Variants in ENTPD5 observed in about 807,000 individuals in gnomAD.
ENTPD5 encodes nucleoside diphosphate phosphatase ENTPD5.
A neutral mutation model predicts 60.2 loss-of-function variants in ENTPD5; 49 were observed. The observed-to-expected ratio is 0.81, with a 90% CI of 0.65 to 1.03. ENTPD5 has a LOEUF of 1.03. Among genes scored for constraint, ENTPD5 ranks in the 50% least tolerant of loss-of-function variants. The probability of loss-of-function intolerance (pLI) is 0.00; values close to 1 mark genes in which losing one functional copy is unlikely to be tolerated. For missense variants in ENTPD5, 480 were observed against 507.6 expected, an observed-to-expected ratio of 0.95 and a Z score of 0.52; for synonymous variants, 187 against 185.4, an observed-to-expected ratio of 1.01 and a Z score of -0.07.
intron 3 of ENTPD5, among the ~76,000 whole-genome samples, chr14:73,994,906 T>C (rs991334120): frequency 1.3e-5 from 2 of 152,094 alleles, no homozygotes; most frequent in Middle Eastern, 3.4e-3. Flanking sequence ...ACATCATGTT[T>C]TCCTATCTTC....
chr14:73,988,001 G>A lies in ENTPD5; in HGVS notation c.102C>T (p.Phe34=). The A allele has an allele frequency of 1.9e-6, 3 of 1,614,156 alleles. No individual in the cohort carries two copies. Among genetic ancestry groups the A allele is most frequent in the Non-Finnish European group, 2.5e-6 (3 of 1,180,032 alleles). ...RNQQTWFEGI[F]LSSMCPINVS... ...CATTGATGGGGCACATGGAAGACAGGAAGATACCCTCAAACCAAGTCTGCT... is the reference window on the plus strand; with the variant it reads ...CATTGATGGGGCACATGGAAGACAGAAAGATACCCTCAAACCAAGTCTGCT... The change falls in exon 4 of 16, where the codon TTC becomes TTT. Residue 34 remains phenylalanine, a synonymous_variant. Transcript: ENST00000334696.
chr14:74,007,304 G>A (rs141103812), intron 3 of ENTPD5, among the ~76,000 whole-genome samples: 5 of 152,224 alleles, frequency 3.3e-5, no homozygotes, highest in African/African-American at 9.6e-5. Flanking sequence ...GGCGGATCAC[G>A]AGGTCAGGAA....
chr14:73,982,613 G>A (rs898806211), intron 6 of ENTPD5, among the ~76,000 whole-genome samples: 3 of 151,946 alleles, frequency 2.0e-5, no homozygotes, highest in Admixed American at 1.3e-4. Context: ...AAAATTAGTC[G>A]GGTGTGGTGG....
chr14:74,019,267 T>C lies in ENTPD5; in HGVS notation c.-255A>G. 3.0e-6 allele frequency: 1 copy of C among 331,256 alleles called. No homozygotes were observed. Among genetic ancestry groups the C allele is most frequent in the Non-Finnish European group, 4.4e-6 (1 of 229,186 alleles). 20.5% of individuals were successfully genotyped at this position (331,256 alleles called of 1,614,324 possible). On this transcript the variant is annotated 5_prime_UTR_variant, in exon 1 of 16. Transcript: ENST00000334696. Reference sequence around the variant, plus strand: ...ACACTCACCGCGCGCGCGCCACCCTTGCGCGGCAGCCCGCCGCCCTCGGCG... The same window carrying C: ...ACACTCACCGCGCGCGCGCCACCCTCGCGCGGCAGCCCGCCGCCCTCGGCG...
In ENTPD5 at chr14:73,966,937, G is replaced by A. The variant is rs763081495; in HGVS notation, c.1278C>T (p.Ile426=). Residue 426 remains isoleucine, a synonymous_variant, in exon 16 of 16, where the codon ATC becomes ATT. Transcript: ENST00000334696. ...AAGGAAGTACGTGGCCTCAATGGGA[G>A]ATGCCCAGAGACTGCAACAGGTGAA... ...ATFHLLQSLG[I]SH 8 of 1,613,948 alleles carry A rather than the reference G, an allele frequency of 5.0e-6. No individual in the cohort carries two copies. The South Asian group carries it at 7.7e-5, about 16-fold the overall frequency.
chr14:73,986,811 C>T lies in ENTPD5; in HGVS notation c.297+3G>A. Reference sequence around the variant, plus strand: ...TCTAAACATCAAATCATAAGAAACTCACCTGCTTAGGTTGATCTACAAAAG... The same window carrying T: ...TCTAAACATCAAATCATAAGAAACTTACCTGCTTAGGTTGATCTACAAAAG... On this transcript the variant is annotated splice_donor_region_variant and intron_variant, in intron 5 of 15. Transcript: ENST00000334696. 4 of 1,610,580 alleles carry T rather than the reference C, an allele frequency of 2.5e-6. No homozygotes were observed. The highest frequency in any genetic ancestry group is 3.4e-6 in the Non-Finnish European group (4 of 1,177,030).
chr14:74,006,583 C>T (rs1352676543), intron 3 of ENTPD5, among the ~76,000 whole-genome samples: 1 of 140,868 alleles, frequency 7.1e-6, no homozygotes, highest in Non-Finnish European at 1.6e-5. Flanking sequence ...ACACCCGGCC[C>T]TTTTTTTTTT....
rs796472810 is a variant in ENTPD5, at chr14:73,977,140, T to C, written c.518-81A>G. On this transcript the variant is annotated intron_variant, in intron 7 of 15. Coordinates refer to ENST00000334696, the MANE Select transcript of ENTPD5 (RefSeq NM_001249.5). ...CCCCAACCTTGTTTTTTTTTTTTCCTCTCTAAATTCCATGTCTAGAGCACA... is the reference window on the plus strand; with the variant it reads ...CCCCAACCTTGTTTTTTTTTTTTCCCCTCTAAATTCCATGTCTAGAGCACA... The C allele has an allele frequency of 1.5e-5, 20 of 1,312,898 alleles. No homozygotes were observed. The African/African-American group carries it at 2.5e-4, about 17-fold the overall frequency. The allele number at this position is 1,312,898 out of a possible 1,614,324, so 81.3% of individuals were successfully genotyped here. A position where few individuals can be genotyped will look rare whatever the true frequency, so the allele number is the denominator to read the frequency against.
chr14:73,974,907 C>A lies in ENTPD5; in HGVS notation c.784+17G>T. 1.2e-6 allele frequency: 2 copies of A among 1,609,372 alleles called. No homozygotes were observed. Among genetic ancestry groups the A allele is most frequent in the South Asian group, 1.1e-5 (1 of 90,888 alleles). ...TCACCCTCACCATCCCCCCCCAGCA[C>A]AGGTACCCAGACAAACCTTCTGTCT... On this transcript the variant is annotated intron_variant, in intron 11 of 15. Coordinates refer to ENST00000334696, the MANE Select transcript of ENTPD5 (RefSeq NM_001249.5).
chr14:74,016,838 G>A (rs928834434), intron 1 of ENTPD5, among the ~76,000 whole-genome samples: 1 of 152,166 alleles, frequency 6.6e-6, no homozygotes, highest in Non-Finnish European at 1.5e-5. Flanking sequence ...CAAATATACA[G>A]CCTGTGACAG....
At chr14:73,979,250 C>T (rs1160859012) in intron 6 of ENTPD5, among the ~76,000 whole-genome samples, 1 of 152,098 alleles carries the variant, frequency 6.6e-6, no homozygotes, top group African/African-American at 2.4e-5. Flanking sequence ...ATTTCCCCCA[C>T]ACTATCAACA....
At chr14:73,973,402 T>G (rs2057311991) in intron 12 of ENTPD5, among the ~76,000 whole-genome samples, 1 of 152,232 alleles carries the variant, frequency 6.6e-6, no homozygotes, top group Admixed American at 6.5e-5. Context: ...TGAATCATTC[T>G]TGTCTTGGTT....
At chr14:74,010,360 G>A (rs540213312) in intron 3 of ENTPD5, among the ~76,000 whole-genome samples, 1 of 152,252 alleles carries the variant, frequency 6.6e-6, no homozygotes, top group Admixed American at 6.5e-5. Flanking sequence ...TTTGAGACCA[G>A]CCTGACCAAC....
chr14:73,981,003 G>C (rs2140559098), intron 6 of ENTPD5, among the ~76,000 whole-genome samples: 1 of 152,170 alleles, frequency 6.6e-6, no homozygotes, highest in African/African-American at 2.4e-5. Context: ...GGAAGCTGAG[G>C]CAGGAGAATC....
downstream of ENTPD5, chr14:73,958,511 A>C (rs2056551815): frequency 1.8e-5 from 25 of 1,356,478 alleles, no homozygotes; most frequent in Non-Finnish European, 2.2e-5. Flanking sequence ...GCTGGGCCTC[A>C]CAGGACAGGC....
intron 5 of ENTPD5, among the ~76,000 whole-genome samples, chr14:73,985,745 G>T (rs2057873101): frequency 6.6e-6 from 1 of 151,988 alleles, no homozygotes; most frequent in South Asian, 2.1e-4. Context: ...TTTTCTAGTA[G>T]ATTTGCTATC....
chr14:73,959,337 C>A, downstream of ENTPD5: 2 of 1,614,076 alleles, frequency 1.2e-6, no homozygotes, highest in Non-Finnish European at 1.7e-6. Context: ...TGTAAGTTCC[C>A]TTTTTGTCTT....
At chr14:74,001,699 A>AG (rs1293076080) in intron 3 of ENTPD5, among the ~76,000 whole-genome samples, 142 of 118,178 alleles carry the variant, frequency 1.2e-3, no homozygotes, top group African/African-American at 4.5e-3. Context: ...AAAAAAAAAA[A>AG]AAGCCAGGCA....
chr14:73,974,910 G>T lies in ENTPD5; in HGVS notation c.784+14C>A. ...CCCTCACCATCCCCCCCCAGCACAG[G>T]TACCCAGACAAACCTTCTGTCTCCA... On this transcript the variant is annotated intron_variant, in intron 11 of 15. Transcript: ENST00000334696. 6.2e-7 allele frequency: 1 copy of T among 1,609,890 alleles called. No homozygotes were observed. The highest frequency in any genetic ancestry group is 1.3e-5 in the African/African-American group (1 of 74,952).
Sources: gnomAD v4.1 joint callset for allele counts (sites outside exome capture counted in the v4.1 genomes callset) on GRCh38, gnomAD v4.1.1 for gene constraint, MANE v1.5 for transcripts, NCBI Gene and HGNC (gene_info 2026-07-23, HGNC 2026-07-21) for gene names.